Variants in RALYL observed in about 807,000 individuals in gnomAD.
RALYL encodes RNA-binding Raly-like protein.
RALYL carries 29 observed loss-of-function variants against 35.1 expected under a neutral mutation model. That is an observed-to-expected ratio of 0.83 (90% CI 0.61 to 1.13). RALYL has a LOEUF of 1.13. Among genes scored for constraint, RALYL ranks in the 50% most tolerant of loss-of-function variants. RALYL has a pLI of 0.00. For missense variants in RALYL, 359 were observed against 360.4 expected, an observed-to-expected ratio of 1.00 and a Z score of 0.03; for synonymous variants, 120 against 127.6, an observed-to-expected ratio of 0.94 and a Z score of 0.40.
intron 2 of RALYL, among the ~76,000 whole-genome samples, chr8:84,630,332 T>A (rs1051897463): frequency 8.6e-5 from 13 of 151,928 alleles, no homozygotes; most frequent in African/African-American, 3.1e-4. Flanking sequence ...TGTGGAGGGT[T>A]GAGTCATAAT....
At chr8:84,728,546 GC>G (rs1845465876) in intron 2 of RALYL, among the ~76,000 whole-genome samples, 1 of 151,884 alleles carries the variant, frequency 6.6e-6, no homozygotes, top group African/African-American at 2.4e-5. Context: ...TGAAGTCCTT[GC>G]CCATGCCTAT....
intron 2 of RALYL, among the ~76,000 whole-genome samples, chr8:84,769,587 C>A (rs1266479216): frequency 6.6e-6 from 1 of 151,982 alleles, no homozygotes; most frequent in Non-Finnish European, 1.5e-5. Flanking sequence ...ATGGTGAAAC[C>A]CTGTCTCTGC....
chr8:84,328,398 A>T, intron 1 of RALYL, among the ~76,000 whole-genome samples: 1 of 152,320 alleles, frequency 6.6e-6, no homozygotes, highest in East Asian at 1.9e-4. Context: ...TTAATCTGAC[A>T]GACATTGTAC....
intron 6 of RALYL, among the ~76,000 whole-genome samples, chr8:84,865,344 T>G (rs1838983546): frequency 6.6e-6 from 1 of 152,194 alleles, no homozygotes. Context: ...ATTTAATGGT[T>G]TGGCAAGTTC....
At chr8:84,834,292 C>A (rs1831502968) in intron 4 of RALYL, among the ~76,000 whole-genome samples, 1 of 152,176 alleles carries the variant, frequency 6.6e-6, no homozygotes, top group Non-Finnish European at 1.5e-5. Flanking sequence ...ACAGCTACTA[C>A]CTCTGTGGCT....
At chr8:84,228,945 G>T (rs1397858223) in intron 1 of RALYL, among the ~76,000 whole-genome samples, 1 of 152,024 alleles carries the variant, frequency 6.6e-6, no homozygotes, top group East Asian at 1.9e-4. Context: ...TTGACACATG[G>T]GTATTATTAC....
intron 2 of RALYL, among the ~76,000 whole-genome samples, chr8:84,728,393 G>A (rs1040539521): frequency 5.9e-5 from 9 of 151,958 alleles, no homozygotes; most frequent in African/African-American, 2.2e-4. Flanking sequence ...CAGATGAGAA[G>A]GTTGCGAAAA....
intron 4 of RALYL, among the ~76,000 whole-genome samples, chr8:84,843,914 T>C (rs1014796761): frequency 3.3e-5 from 5 of 152,222 alleles, no homozygotes; most frequent in Non-Finnish European, 5.9e-5. Flanking sequence ...TGGCTAGCCA[T>C]ATGTAGAAAG....
intron 2 of RALYL, among the ~76,000 whole-genome samples, chr8:84,621,709 C>T (rs1821542298): frequency 6.6e-6 from 1 of 152,132 alleles, no homozygotes; most frequent in Non-Finnish European, 1.5e-5. Flanking sequence ...TTCAAGGTTT[C>T]CTATCCTAAT....
intron 2 of RALYL, among the ~76,000 whole-genome samples, chr8:84,552,360 T>TATA (rs2060802237): frequency 3.3e-5 from 1 of 30,578 alleles, no homozygotes; most frequent in African/African-American, 1.2e-4. Context: ...ATATATATAT[T>TATA]TTTTTTTTTT....
At chr8:84,348,267 T>C (rs1182537813) in intron 1 of RALYL, among the ~76,000 whole-genome samples, 1 of 152,154 alleles carries the variant, frequency 6.6e-6, no homozygotes, top group Non-Finnish European at 1.5e-5. Context: ...ACTCACTATT[T>C]GGTATCTTTG....
intron 1 of RALYL, among the ~76,000 whole-genome samples, chr8:84,410,765 A>G (rs574774706): frequency 6.6e-6 from 1 of 151,894 alleles, no homozygotes; most frequent in African/African-American, 2.4e-5. Context: ...CATGTATATT[A>G]TCACTGTTAT....
At chr8:84,290,919 G>A (rs1472690053) in intron 1 of RALYL, among the ~76,000 whole-genome samples, 1 of 152,070 alleles carries the variant, frequency 6.6e-6, no homozygotes, top group Non-Finnish European at 1.5e-5. Flanking sequence ...ATATCTTTCA[G>A]ATCTCTAATA....
At chr8:84,751,332 C>A (rs779273957) in intron 2 of RALYL, among the ~76,000 whole-genome samples, 2 of 152,076 alleles carry the variant, frequency 1.3e-5, no homozygotes, top group Non-Finnish European at 2.9e-5. Flanking sequence ...CTCAGCCTCC[C>A]AAGTAGCTGG....
chr8:84,625,839 C>T (rs544798602), intron 2 of RALYL, among the ~76,000 whole-genome samples: 56 of 152,152 alleles, frequency 3.7e-4, no homozygotes, highest in African/African-American at 1.3e-3. Flanking sequence ...GAACCTTAAC[C>T]AGTGGTGGAG....
At chr8:84,232,919 C>T (rs1369575525) in intron 1 of RALYL, among the ~76,000 whole-genome samples, 1 of 151,970 alleles carries the variant, frequency 6.6e-6, no homozygotes, top group Admixed American at 6.6e-5. Context: ...TGGAAGAAAC[C>T]TTTCGCATAC....
intron 2 of RALYL, among the ~76,000 whole-genome samples, chr8:84,611,851 T>C (rs1818380275): frequency 6.6e-6 from 1 of 152,102 alleles, no homozygotes; most frequent in Non-Finnish European, 1.5e-5. Flanking sequence ...TTTATAGCCA[T>C]GTCTATAGTG....
intron 2 of RALYL, among the ~76,000 whole-genome samples, chr8:84,530,188 G>T (rs1420487966): frequency 6.6e-6 from 1 of 151,724 alleles, no homozygotes; most frequent in Non-Finnish European, 1.5e-5. Context: ...GAAATAAAAA[G>T]ACTTGGAAAA....
intron 1 of RALYL, among the ~76,000 whole-genome samples, chr8:84,346,745 T>C (rs1423714420): frequency 6.6e-6 from 1 of 152,116 alleles, no homozygotes; most frequent in East Asian, 1.9e-4. Flanking sequence ...TAATGTTCTT[T>C]ACAGGCCTAT....
Sources: allele counts gnomAD v4.1 joint callset (sites outside exome capture counted in the v4.1 genomes callset), GRCh38; gene constraint gnomAD v4.1.1; transcripts MANE v1.5; gene names NCBI Gene and HGNC (gene_info 2026-07-23, HGNC 2026-07-21).